CNTLN: variants seen among roughly 807,000 people sequenced by gnomAD.
CNTLN encodes the protein centlein, centrosomal protein.
Under a neutral mutation model 180.0 loss-of-function variants are expected in CNTLN, and 212 were observed. The ratio of observed to expected loss-of-function variants is 1.18; its 90% CI spans 1.05 to 1.32. The LOEUF (loss-of-function observed/expected upper bound fraction) is 1.32. Among genes scored for constraint, CNTLN ranks in the 40% most tolerant of loss-of-function variants. The pLI is 0.00. For missense variants in CNTLN, 2,095 were observed against 1,610.9 expected, an observed-to-expected ratio of 1.30 and a Z score of -5.14; for synonymous variants, 722 against 563.1, an observed-to-expected ratio of 1.28 and a Z score of -3.99.
At chr9:17,186,215 A>G (rs556044330) in intron 2 of CNTLN, among the ~76,000 whole-genome samples, 1 of 152,306 alleles carries the variant, frequency 6.6e-6, no homozygotes, top group Admixed American at 6.5e-5. Flanking sequence ...GTAGAGATGA[A>G]TTCCTTGAAA....
intron 2 of CNTLN, among the ~76,000 whole-genome samples, chr9:17,173,238 A>G (rs1370723796): frequency 2.0e-5 from 3 of 152,162 alleles, no homozygotes; most frequent in East Asian, 1.9e-4. Flanking sequence ...AAAATATCTC[A>G]TTGGAAATTT....
intron 13 of CNTLN, among the ~76,000 whole-genome samples, chr9:17,375,955 A>C (rs1824724457): frequency 6.6e-6 from 1 of 152,134 alleles, no homozygotes; most frequent in Non-Finnish European, 1.5e-5. Flanking sequence ...CATTCTAACC[A>C]CTGTACTTTT....
intron 3 of CNTLN, among the ~76,000 whole-genome samples, chr9:17,234,439 C>A (rs565996671): frequency 7.8e-5 from 6 of 76,492 alleles, no homozygotes; most frequent in Non-Finnish European, 6.5e-5. Flanking sequence ...CAGAGCGAGA[C>A]CTGTCTCTCA....
At chr9:17,203,967 T>A (rs1428394719) in intron 2 of CNTLN, among the ~76,000 whole-genome samples, 1 of 152,246 alleles carries the variant, frequency 6.6e-6, no homozygotes, top group Non-Finnish European at 1.5e-5. Context: ...TTGATACTTG[T>A]GTTTGCTTCA....
rs374284053 is a variant in CNTLN at position 17,484,481 on chromosome 9, G to T, written c.4041+1G>T. On this transcript the variant is annotated splice_donor_variant, in intron 24 of 25. Transcript: ENST00000380647. LOFTEE classifies it high-confidence loss of function. ...AATATTAGACACAGAAGATCAAGTGGTAAGATCATTTAAATATTTATTATT... is the reference window on the plus strand; with the variant it reads ...AATATTAGACACAGAAGATCAAGTGTTAAGATCATTTAAATATTTATTATT... 5.1e-6 allele frequency: 8 copies of T among 1,583,426 alleles called. No individual in the cohort carries two copies. The highest frequency in any genetic ancestry group is 6.8e-6 in the Non-Finnish European group (8 of 1,170,488).
At chr9:17,360,870 A>G (rs1273378109) in intron 12 of CNTLN, among the ~76,000 whole-genome samples, 3 of 152,150 alleles carry the variant, frequency 2.0e-5, no homozygotes, top group Admixed American at 6.6e-5. Flanking sequence ...GTTCCATGGC[A>G]CTTGAAAAGA....
rs145141685 is a variant in CNTLN at position 17,265,782 on chromosome 9, G to A, written c.850-7951G>A. ...TTAGTCTTGGGAGAGTGTATGTGTC[G>A]AGGAATTTATCCATTTCTTCTACAT... On this transcript the variant is annotated intron_variant, in intron 5 of 25. Transcript: ENST00000380647. Among the ~76,000 whole-genome samples, 803 of 152,138 alleles carry A rather than the reference G, an allele frequency of 5.3e-3. 5 individuals carry two copies. The highest frequency in any genetic ancestry group is 0.017 in the African/African-American group (713 of 41,510).
rs1251836604 is a variant in CNTLN, at chr9:17,298,237, A to G, written c.1031A>G (p.His344Arg). Residue 344 changes from histidine (H) to arginine (R), a missense_variant, in exon 7 of 26, where the codon CAT becomes CGT. Physicochemically the swap from His to Arg is conservative, Grantham distance 29. Transcript: ENST00000380647. The part of the protein sequence containing the change: ...LQNLYKQNST[H>R]TAQQAELIQQ... ...AATCTTTACAAACAGAACAGTACAC[A>G]TACAGCCCAGCAAGCAGAGCTGATC... 2.5e-6 allele frequency: 4 copies of G among 1,611,314 alleles called. No homozygotes were observed. Among genetic ancestry groups the G allele is most frequent in the Admixed American group, 1.7e-5 (1 of 59,338 alleles).
chr9:17,472,940 C>T (rs6475149), intron 23 of CNTLN, among the ~76,000 whole-genome samples: 13,624 of 152,078 alleles, frequency 0.09, 2,055 homozygotes, highest in African/African-American at 0.31. Flanking sequence ...CCACTGTGCC[C>T]TTACTTCCCT....
intron 6 of CNTLN, among the ~76,000 whole-genome samples, chr9:17,295,997 A>AGAGTGT (rs1342910465): frequency 3.3e-5 from 3 of 91,286 alleles, no homozygotes; most frequent in Non-Finnish European, 4.0e-5. Context: ...AGAGAGAGAG[A>AGAGTGT]GTGTGTGTGT....
In CNTLN at chr9:17,502,568, T is replaced by C. The variant is rs1833807746; in HGVS notation, c.4137T>C (p.Tyr1379=). The C allele has an allele frequency of 7.1e-7, 1 of 1,402,434 alleles. No individual in the cohort carries two copies. Among genetic ancestry groups the C allele is most frequent in the Non-Finnish European group, 9.7e-7 (1 of 1,026,324 alleles). The allele number at this position is 1,402,434 out of a possible 1,614,324, so 86.9% of individuals were successfully genotyped here. Residue 1379 remains tyrosine (Y), a synonymous_variant, in exon 26 of 26, where the codon TAT becomes TAC. Transcript: ENST00000380647. The part of the protein sequence containing the change: ...LLEGQLPFAS[Y]LLEAVLEKIN... ...TTTTACAGCTTCCTTTTGCCTCATA[T>C]TTACTAGAAGCAGTACTGGAAAAAA...
At chr9:17,334,069 C>G (rs1820820608) in intron 10 of CNTLN, among the ~76,000 whole-genome samples, 1 of 151,842 alleles carries the variant, frequency 6.6e-6, no homozygotes, top group Non-Finnish European at 1.5e-5. Flanking sequence ...AATTTTTTTT[C>G]TTTCCCTTGA....
intron 12 of CNTLN, among the ~76,000 whole-genome samples, chr9:17,343,999 T>A (rs890322238): frequency 2.0e-5 from 3 of 152,214 alleles, no homozygotes; most frequent in African/African-American, 4.8e-5. Context: ...ATCCATGTTG[T>A]AAATGTATCA....
At chr9:17,491,762 A>T (rs1213017711) in intron 25 of CNTLN, among the ~76,000 whole-genome samples, 2 of 152,100 alleles carry the variant, frequency 1.3e-5, no homozygotes, top group Admixed American at 6.6e-5. Context: ...TAGTTGCTTC[A>T]GATCTTGCAA....
intron 2 of CNTLN, among the ~76,000 whole-genome samples, chr9:17,154,477 G>A (rs1025298513): frequency 1.3e-5 from 2 of 152,204 alleles, no homozygotes; most frequent in African/African-American, 4.8e-5. Context: ...AGGCTGCAGA[G>A]CAGCAAAGAT....
chr9:17,295,639 C>T (rs368300005), intron 6 of CNTLN, among the ~76,000 whole-genome samples: 15 of 152,152 alleles, frequency 9.9e-5, no homozygotes, highest in African/African-American at 3.1e-4. Context: ...CATCTTGGCC[C>T]GCCCTGTTTT....
downstream of CNTLN, among the ~76,000 whole-genome samples, chr9:17,505,467 T>A (rs981273179): frequency 2.0e-5 from 3 of 152,136 alleles, no homozygotes; most frequent in Non-Finnish European, 2.9e-5. Context: ...ATGGAAAGAT[T>A]GTGTTTCTAT....
chr9:17,260,447 A>T (rs1484057937), intron 5 of CNTLN, among the ~76,000 whole-genome samples: 1 of 151,280 alleles, frequency 6.6e-6, no homozygotes, highest in Non-Finnish European at 1.5e-5. Context: ...AAAAATGTAT[A>T]TTCTGTATGT....
intron 7 of CNTLN, among the ~76,000 whole-genome samples, chr9:17,303,507 C>G (rs1171829505): frequency 6.6e-6 from 1 of 151,990 alleles, no homozygotes. Flanking sequence ...GCTATTACAT[C>G]ACACTTTTTA....
Sources: gnomAD v4.1 joint callset for allele counts (sites outside exome capture counted in the v4.1 genomes callset) on GRCh38, gnomAD v4.1.1 for gene constraint, MANE v1.5 for transcripts, NCBI Gene and HGNC (gene_info 2026-07-23, HGNC 2026-07-21) for gene names.